The following GALNT16 variants were observed in gnomAD, a reference collection of about 807,000 sequenced individuals.
The protein encoded by GALNT16 is polypeptide N-acetylgalactosaminyltransferase 16.
Under a neutral mutation model 76.1 loss-of-function variants are expected in GALNT16, and 40 were observed. The observed-to-expected ratio is 0.53, with a 90% CI of 0.41 to 0.68. The LOEUF is 0.68. GALNT16 is among the 30% of genes least tolerant of loss of function. The pLI is 0.00. For synonymous variants in GALNT16, 276 were observed against 285.2 expected (o/e 0.97, Z 0.32); for missense variants, 621 against 731.9 (o/e 0.85, Z 1.75).
At chr14:69,295,799 G>A (rs1298517191) in intron 1 of GALNT16, among the ~76,000 whole-genome samples, 1 of 151,662 alleles carries the variant, frequency 6.6e-6, no homozygotes, top group Non-Finnish European at 1.5e-5. Context: ...TTTTTTTCTG[G>A]AGTACTTAAT....
chr14:69,328,420 A>G (rs752091675), intron 5 of GALNT16, 30 bp from the exon 6 acceptor site: 52 of 1,606,514 alleles, frequency 3.2e-5, no homozygotes, highest in Non-Finnish European at 4.3e-5. Context: ...GCCCAGTCCC[A>G]GCGCCAAGCC....
At chr14:69,369,256 T>C in the GALNT16 span, among the ~76,000 whole-genome samples, 3 of 152,186 alleles carry the variant, frequency 2.0e-5, no homozygotes, top group East Asian at 1.9e-4. Flanking sequence ...TCTTATTCCA[T>C]TATATCCCCA....
chr14:69,340,206 G>A (rs1023998523), intron 11 of GALNT16, among the ~76,000 whole-genome samples: 1 of 152,154 alleles, frequency 6.6e-6, no homozygotes, highest in East Asian at 1.9e-4. Flanking sequence ...GTGCATGTGT[G>A]TGCATGCATG....
intron 1 of GALNT16, among the ~76,000 whole-genome samples, chr14:69,313,786 A>T (rs1044556682): frequency 9.7e-6 from 1 of 103,186 alleles, no homozygotes; most frequent in Non-Finnish European, 2.6e-5. Flanking sequence ...GGATTTCCAT[A>T]GTAACCATGG....
chr14:69,382,789 C>CAAAAAAAAAAAAAA, the GALNT16 span, among the ~76,000 whole-genome samples: 11 of 103,166 alleles, frequency 1.1e-4, no homozygotes, highest in African/African-American at 3.3e-4. Context: ...ACTCTATCTC[C>CAAAAAAAAAAAAAA]AAAAGAAAAA....
intron 11 of GALNT16, among the ~76,000 whole-genome samples, chr14:69,339,972 G>A (rs2045466137): frequency 6.6e-6 from 1 of 152,230 alleles, no homozygotes; most frequent in Non-Finnish European, 1.5e-5. Flanking sequence ...AGATCTGTTA[G>A]CCTATTTTCC....
At chr14:69,314,323 T>A (rs913438204) in intron 1 of GALNT16, among the ~76,000 whole-genome samples, 3 of 152,240 alleles carry the variant, frequency 2.0e-5, no homozygotes, top group African/African-American at 7.2e-5. Context: ...GAAAGGGAAG[T>A]GACTTTCCAA....
intron 6 of GALNT16, among the ~76,000 whole-genome samples, chr14:69,330,748 C>T (rs776911335): frequency 3.3e-5 from 5 of 151,946 alleles, no homozygotes; most frequent in Admixed American, 6.6e-5. Flanking sequence ...CCATGGAGGG[C>T]GAAAGATGAG....
At chr14:69,285,037 A>AAT (rs2044591753) in intron 1 of GALNT16, among the ~76,000 whole-genome samples, 1 of 101,512 alleles carries the variant, frequency 9.9e-6, no homozygotes, top group Admixed American at 1.2e-4. Flanking sequence ...AGTCTCGGGC[A>AAT]CTCTTTTTTT....
intron 1 of GALNT16, among the ~76,000 whole-genome samples, chr14:69,288,647 G>T (rs906308127): frequency 2.0e-5 from 3 of 152,184 alleles, no homozygotes; most frequent in African/African-American, 7.2e-5. Context: ...GAGAAAATGA[G>T]ATTAATGGGC....
intron 1 of GALNT16, among the ~76,000 whole-genome samples, chr14:69,300,811 TC>T (rs2044841046): frequency 6.6e-6 from 1 of 151,760 alleles, no homozygotes; most frequent in African/African-American, 2.4e-5. Context: ...ACCCCCACAC[TC>T]CCCTCCCCGC....
chr14:69,381,159 T>C, the GALNT16 span, among the ~76,000 whole-genome samples: 1 of 152,192 alleles, frequency 6.6e-6, no homozygotes, highest in Admixed American at 6.5e-5. Flanking sequence ...TGCACGCCTG[T>C]AGTCCTGCCT....
At chr14:69,324,403 G>T (rs1367026864) in intron 2 of GALNT16, among the ~76,000 whole-genome samples, 3 of 152,042 alleles carry the variant, frequency 2.0e-5, no homozygotes, top group East Asian at 3.9e-4. Context: ...GTATATACTA[G>T]GGAGCCCCCT....
At chr14:69,313,508 T>A (rs1171669511) in intron 1 of GALNT16, among the ~76,000 whole-genome samples, 1 of 140,424 alleles carries the variant, frequency 7.1e-6, no homozygotes, top group Non-Finnish European at 1.6e-5. Context: ...CCTAGGGGAA[T>A]AAGCAGTGGG....
chr14:69,328,500 C>T lies in GALNT16; in HGVS notation c.619C>T (p.Leu207Phe). The change falls in exon 6 of 15, where the codon CTC becomes TTC. Residue 207 changes from leucine (L) to phenylalanine (F), a missense_variant. Coordinates refer to ENST00000448469, the MANE Select transcript of GALNT16 (RefSeq NM_001168368.2). ...RGADVAAATV[L>F]TFLDSHCEVN... The stretch of plus-strand genomic sequence containing the variant: ...GGCGGACGTGGCTGCAGCTACCGTT[C>T]TCACCTTTCTGGATAGCCACTGCGA... The T allele has an allele frequency of 6.2e-7, 1 of 1,614,014 alleles. No individual in the cohort carries two copies. The highest frequency in any genetic ancestry group is 1.1e-5 in the South Asian group (1 of 91,080).
At position 69,353,572 on chromosome 14, in the gene GALNT16, C is replaced by A. The variant is rs948682515; in HGVS notation, c.*1404C>A. 6.6e-6 allele frequency: 1 copy of A among 152,240 alleles called. No individual in the cohort carries two copies. The highest frequency in any genetic ancestry group is 1.5e-5 in the Non-Finnish European group (1 of 68,090). 9.4% of individuals were successfully genotyped at this position (152,240 alleles called of 1,614,324 possible). On this transcript the variant is annotated 3_prime_UTR_variant, in exon 15 of 15. Transcript: ENST00000448469. Reference sequence around the variant, plus strand: ...TGGGGGTCTCCCCTACAAAGCAGACCAGCCTGGGGCAGATATACCTACCAC... The same window carrying A: ...TGGGGGTCTCCCCTACAAAGCAGACAAGCCTGGGGCAGATATACCTACCAC...
chr14:69,308,282 T>C (rs1378286), intron 1 of GALNT16, among the ~76,000 whole-genome samples: 51,779 of 151,514 alleles, frequency 0.34, 9,262 homozygotes, highest in East Asian at 0.52. Flanking sequence ...TTATAAAAAA[T>C]AAATCCTTAT....
the GALNT16 span, among the ~76,000 whole-genome samples, chr14:69,371,764 T>C: frequency 6.6e-6 from 1 of 151,008 alleles, no homozygotes; most frequent in Admixed American, 6.6e-5. Flanking sequence ...GCCAATATGG[T>C]GAAACCCCAT....
chr14:69,296,771 C>G (rs12896514), intron 1 of GALNT16, among the ~76,000 whole-genome samples: 6,393 of 96,090 alleles, frequency 0.067, 208 homozygotes, highest in Non-Finnish European at 0.092. Context: ...GATAGATAGA[C>G]AGATAGATGA....
Sources: allele counts gnomAD v4.1 joint callset (sites outside exome capture counted in the v4.1 genomes callset), GRCh38; gene constraint gnomAD v4.1.1; transcripts MANE v1.5; gene names NCBI Gene and HGNC (gene_info 2026-07-23, HGNC 2026-07-21).